Variants in SEMA4A observed in about 807,000 individuals in gnomAD.
SEMA4A encodes semaphorin 4A.
A neutral mutation model predicts 72.5 loss-of-function variants in SEMA4A; 52 were observed. The observed-to-expected ratio is 0.72, with a 90% CI of 0.57 to 0.90. SEMA4A has a LOEUF of 0.90. Ranked by LOEUF, SEMA4A falls within the 40% of genes least tolerant of loss-of-function variation. SEMA4A has a pLI of 0.00. For missense variants in SEMA4A, 926 were observed against 959.7 expected (o/e 0.96, Z 0.46); for synonymous variants, 369 against 393.1 (o/e 0.94, Z 0.73).
Position 156,176,849 on chromosome 1 carries a change from G to A in SEMA4A, c.2138G>A (p.Arg713Gln), listed in dbSNP as rs41265017. The A allele has an allele frequency of 0.04, 64,416 of 1,614,210 alleles. 1,578 individuals are homozygous for A. Among genetic ancestry groups the A allele is most frequent in the Middle Eastern group, 0.091 (554 of 6,062 alleles). ...TCCCCATTGAGAGCACTCCGGGCTC[G>A]GGGCAAGGTTCAGGGCTGTGAGACC... ...VASPLRALRARGKVQGCETLR... is the reference protein window; with the variant it reads ...VASPLRALRAQGKVQGCETLR... The change falls in exon 15 of 15, where the codon CGG becomes CAG. Residue 713 changes from arginine to glutamine, a missense_variant. Arg to Gln is a conservative substitution (Grantham distance 43). Coordinates refer to ENST00000368285, the MANE Select transcript of SEMA4A (RefSeq NM_022367.4).
chr1:156,172,053 G>C, intron 10 of SEMA4A, among the ~76,000 whole-genome samples: 1 of 151,164 alleles, frequency 6.6e-6, no homozygotes, highest in African/African-American at 2.4e-5. Context: ...CAAAGTGTTG[G>C]GATTACAGGC....
At chr1:156,148,318 T>TA (rs2102914628), upstream of SEMA4A, among the ~76,000 whole-genome samples, 1 of 151,902 alleles carries the variant, frequency 6.6e-6, no homozygotes, top group African/African-American at 2.4e-5. Flanking sequence ...GAGAGAAGCC[T>TA]GAACAGGCAG....
At position 156,160,904 on chromosome 1, in the gene SEMA4A, G is replaced by T. The variant is rs762102875; in HGVS notation, c.686-1G>T. On this transcript the variant is annotated splice_acceptor_variant, in intron 7 of 14. Coordinates refer to ENST00000368285, the MANE Select transcript of SEMA4A (RefSeq NM_022367.4). LOFTEE classifies it high-confidence loss of function. Reference sequence around the variant, plus strand: ...TAAGCCCATCTGCCCCTCCCCCGCAGATGACGCCTCCTTTGTGGCAGCCAT... The same window carrying T: ...TAAGCCCATCTGCCCCTCCCCCGCATATGACGCCTCCTTTGTGGCAGCCAT... 1.2e-6 allele frequency: 2 copies of T among 1,613,712 alleles called. No individual in the cohort carries two copies. The highest frequency in any genetic ancestry group is 1.7e-6 in the Non-Finnish European group (2 of 1,179,956).
intron 10 of SEMA4A, among the ~76,000 whole-genome samples, chr1:156,168,720 T>C (rs1215489035): frequency 6.6e-6 from 1 of 152,228 alleles, no homozygotes; most frequent in Non-Finnish European, 1.5e-5. Context: ...GTCTCTGTTA[T>C]GTCACCACTG....
Position 156,174,949 on chromosome 1 carries a change from G to C in SEMA4A, c.1434+9G>C. On this transcript the variant is annotated intron_variant, in intron 12 of 14. Transcript: ENST00000368285. Reference sequence around the variant, plus strand: ...AGCTGGCCCCCACCCAGGTGGGAAGGGACCTGACCATCAAATGGCCTTCCA... The same window carrying C: ...AGCTGGCCCCCACCCAGGTGGGAAGCGACCTGACCATCAAATGGCCTTCCA... 6.2e-7 allele frequency: 1 copy of C among 1,614,232 alleles called. No homozygotes were observed.
chr1:156,159,902 G>A (rs926017449), intron 6 of SEMA4A, among the ~76,000 whole-genome samples: 1 of 144,458 alleles, frequency 6.9e-6, no homozygotes, highest in Non-Finnish European at 1.5e-5. Context: ...GCCTGGATGT[G>A]AGCAAGACCC....
chr1:156,173,172 G>A (rs566114704), intron 11 of SEMA4A, among the ~76,000 whole-genome samples, 166 bp downstream of exon 11: 1 of 152,244 alleles, frequency 6.6e-6, no homozygotes, highest in Non-Finnish European at 1.5e-5. Flanking sequence ...CAGCAGAGGA[G>A]CAAAACAGTC....
chr1:156,169,636 G>A (rs1654514970), intron 10 of SEMA4A, among the ~76,000 whole-genome samples: 1 of 150,230 alleles, frequency 6.7e-6, no homozygotes, highest in Non-Finnish European at 1.5e-5. Context: ...TAGCCAGGAT[G>A]GTCTCGATCT....
rs543276469 is a variant in SEMA4A at position 156,176,455 on chromosome 1, C to G, written c.1744C>G (p.His582Asp). The G allele has an allele frequency of 6.8e-6, 11 of 1,614,168 alleles. 1 individual carries two copies. Among genetic ancestry groups the G allele is most frequent in the East Asian group, 6.7e-5 (3 of 44,880 alleles). ...CTCCATCCTGGAGCTCCCCTGCCCC[C>G]ACCTGTCAGCCTTGGCCTCTTATTA... ...PNSILELPCPHLSALASYYWS... is the reference protein window; with the variant it reads ...PNSILELPCPDLSALASYYWS... The change falls in exon 15 of 15, where the codon CAC becomes GAC. Residue 582 changes from histidine (H) to aspartate (D), a missense_variant. Transcript: ENST00000368285.
chr1:156,154,749 A>G (rs966238469), intron 2 of SEMA4A, 32 bp downstream of exon 2: 2 of 1,564,648 alleles, frequency 1.3e-6, no homozygotes, highest in South Asian at 1.2e-5. Context: ...GTGTGGGGAT[A>G]GCAATAGAGA....
intron 10 of SEMA4A, among the ~76,000 whole-genome samples, chr1:156,167,040 A>G (rs543596632): frequency 1.2e-4 from 18 of 152,204 alleles, no homozygotes; most frequent in Non-Finnish European, 2.4e-4. Context: ...AACTAGAACT[A>G]CAAGCACCCA....
chr1:156,154,878 A>G, intron 2 of SEMA4A, 161 bp downstream of exon 2: 2 of 930,528 alleles, frequency 2.1e-6, no homozygotes, highest in South Asian at 1.8e-5. Flanking sequence ...AAAGAGAGAC[A>G]CAGCCAGAAA....
chr1:156,177,331 C>T lies in SEMA4A; in HGVS notation c.*334C>T, dbSNP rs148852472. 1,598 of 420,846 alleles carry T rather than the reference C, an allele frequency of 3.8e-3. 21 individuals are homozygous for T. Among genetic ancestry groups the T allele is most frequent in the African/African-American group, 0.03 (1,478 of 49,664 alleles). 26.1% of individuals were successfully genotyped at this position (420,846 alleles called of 1,614,324 possible). A position where few individuals can be genotyped will look rare whatever the true frequency, so the allele number is the denominator to read the frequency against. ...TCCAGAAACACAGTGTTTCAAGAGA[C>T]CCTAAAAAACCTGCCTGTCCCAGGA... On this transcript the variant is annotated 3_prime_UTR_variant, in exon 15 of 15. Coordinates refer to ENST00000368285, the MANE Select transcript of SEMA4A (RefSeq NM_022367.4).
intron 3 of SEMA4A, 42 bp downstream of exon 3, chr1:156,156,616 AG>A (rs1653059618): frequency 6.2e-7 from 1 of 1,608,768 alleles, no homozygotes; most frequent in Non-Finnish European, 8.5e-7. Flanking sequence ...GGGAGTGAAG[AG>A]GGGGCCGGCA....
chr1:156,156,669 G>T, intron 3 of SEMA4A, 95 bp downstream of exon 3: 2 of 1,183,922 alleles, frequency 1.7e-6, no homozygotes, highest in Non-Finnish European at 2.5e-6. Flanking sequence ...TAACTTAGTT[G>T]CTGTTATCTG....
chr1:156,175,556 G>A lies in SEMA4A; in HGVS notation c.1593G>A (p.Leu531=), dbSNP rs371279848. ...RTCCLLSAPN[L]NSWKQDMERG... ...ATTTTTACTTTCTCTGCTCTCTTAG[G>A]AACTCCTGGAAGCAGGACATGGAGC... Residue 531 remains leucine, a splice_region_variant and synonymous_variant, in exon 14 of 15, where the codon CTG becomes CTA. Transcript: ENST00000368285. 6.8e-6 allele frequency: 11 copies of A among 1,610,858 alleles called. No individual in the cohort carries two copies. In the African/African-American group the frequency reaches 1.1e-4, roughly 16 times the overall value.
upstream of SEMA4A, among the ~76,000 whole-genome samples, chr1:156,151,734 G>A (rs993773003): frequency 6.6e-6 from 1 of 151,284 alleles, no homozygotes; most frequent in Non-Finnish European, 1.5e-5. Context: ...TACCTGGGAG[G>A]CTGAGGCAGG....
chr1:156,177,403 T>A lies in SEMA4A; in HGVS notation c.*406T>A. On this transcript the variant is annotated 3_prime_UTR_variant, in exon 15 of 15. Coordinates refer to ENST00000368285, the MANE Select transcript of SEMA4A (RefSeq NM_022367.4). ...ACATCTAAACAATCATATGCTAACA[T>A]GCCACTCCTGGAAACTCCACTCTGA... 2 of 292,472 alleles carry A rather than the reference T, an allele frequency of 6.8e-6. No individual in the cohort carries two copies. The highest frequency in any genetic ancestry group is 1.3e-5 in the Non-Finnish European group (2 of 150,010). The allele number at this position is 292,472 out of a possible 1,614,324, so 18.1% of individuals were successfully genotyped here. A position where few individuals can be genotyped will look rare whatever the true frequency, so the allele number is the denominator to read the frequency against.
intron 11 of SEMA4A, 81 bp downstream of exon 11, chr1:156,173,087 C>T: frequency 7.4e-7 from 1 of 1,358,594 alleles, no homozygotes; most frequent in Admixed American, 1.9e-5. Context: ...CCCTTGAGTT[C>T]ATTCACTTAT....
Sources: allele counts gnomAD v4.1 joint callset (sites outside exome capture counted in the v4.1 genomes callset), GRCh38; gene constraint gnomAD v4.1.1; transcripts MANE v1.5; gene names NCBI Gene and HGNC (gene_info 2026-07-23, HGNC 2026-07-21).